Variants in GALNTL6 observed in about 807,000 individuals in gnomAD.
The protein encoded by GALNTL6 is polypeptide N-acetylgalactosaminyltransferase-like 6.
In GALNTL6, 46 loss-of-function variants were observed where a neutral mutation model predicts 73.7. The ratio of observed to expected loss-of-function variants is 0.62; its 90% CI spans 0.49 to 0.80. The LOEUF is 0.80. Ranked by LOEUF, GALNTL6 falls within the 30% of genes least tolerant of loss-of-function variation. The pLI is 0.00. For missense variants in GALNTL6, 604 were observed against 755.0 expected (o/e 0.80, Z 2.34); for synonymous variants, 259 against 263.7 (o/e 0.98, Z 0.17).
chr4:172,278,355 C>G (rs1367790240), intron 3 of GALNTL6, among the ~76,000 whole-genome samples: 1 of 152,164 alleles, frequency 6.6e-6, no homozygotes, highest in South Asian at 2.1e-4. Context: ...TTCACATATT[C>G]ATTCCAATAA....
chr4:172,943,122 G>A (rs1349744766), intron 9 of GALNTL6, among the ~76,000 whole-genome samples: 1 of 149,542 alleles, frequency 6.7e-6, no homozygotes. Context: ...ACTTCCAAGG[G>A]TAGGGCATAA....
At chr4:172,016,278 A>T (rs1741191034) in intron 2 of GALNTL6, among the ~76,000 whole-genome samples, 1 of 151,590 alleles carries the variant, frequency 6.6e-6, no homozygotes, top group Admixed American at 6.6e-5. Context: ...TTTTCTCTTT[A>T]TCTTTGTTTG....
chr4:172,346,310 T>C (rs72986326), intron 4 of GALNTL6, among the ~76,000 whole-genome samples: 4,805 of 152,346 alleles, frequency 0.032, 244 homozygotes, highest in African/African-American at 0.11. Context: ...ATGGTCAAAA[T>C]TGAATTCATT....
chr4:172,688,365 T>C (rs1229561782), intron 5 of GALNTL6, among the ~76,000 whole-genome samples: 1 of 152,178 alleles, frequency 6.6e-6, no homozygotes, highest in African/African-American at 2.4e-5. Flanking sequence ...AATGTACCAA[T>C]TTATGGTAGT....
At chr4:171,917,999 G>T (rs1737676862) in intron 2 of GALNTL6, among the ~76,000 whole-genome samples, 1 of 152,006 alleles carries the variant, frequency 6.6e-6, no homozygotes, top group African/African-American at 2.4e-5. Flanking sequence ...ATTTTTTAAT[G>T]GTAGGGATAT....
At chr4:172,559,009 A>G (rs748959369) in intron 5 of GALNTL6, among the ~76,000 whole-genome samples, 6 of 151,378 alleles carry the variant, frequency 4.0e-5, no homozygotes, top group African/African-American at 1.2e-4. Flanking sequence ...AAAGATTTAC[A>G]TAAAATTTCC....
chr4:172,685,709 T>A (rs148697256), intron 5 of GALNTL6, among the ~76,000 whole-genome samples: 1,824 of 152,336 alleles, frequency 0.012, 20 homozygotes, highest in Middle Eastern at 0.031. Context: ...AATCCTCTTT[T>A]TGAGTCTTCA....
intron 8 of GALNTL6, among the ~76,000 whole-genome samples, chr4:172,892,653 T>G (rs1443693806): frequency 4.6e-5 from 7 of 151,998 alleles, no homozygotes; most frequent in Admixed American, 4.6e-4. Flanking sequence ...CACCTTTTTT[T>G]GTTGTTGTTA....
chr4:172,596,469 A>T (rs1737861689), intron 5 of GALNTL6, among the ~76,000 whole-genome samples: 1 of 151,650 alleles, frequency 6.6e-6, no homozygotes, highest in African/African-American at 2.4e-5. Flanking sequence ...AGAAAAAAAA[A>T]AAAGTGTGAC....
intron 2 of GALNTL6, among the ~76,000 whole-genome samples, chr4:171,962,553 G>A (rs1234710618): frequency 2.0e-5 from 3 of 152,082 alleles, no homozygotes; most frequent in African/African-American, 7.2e-5. Context: ...ACATTAGGAA[G>A]TTACCCTATA....
At chr4:172,668,388 A>C (rs1319488552) in intron 5 of GALNTL6, 3 of 152,216 alleles carry the variant, frequency 2.0e-5, no homozygotes, top group Non-Finnish European at 2.9e-5. Context: ...TTTTGAGAAC[A>C]CTGAGGAGAG....
intron 5 of GALNTL6, among the ~76,000 whole-genome samples, chr4:172,739,925 T>G (rs1430104041): frequency 2.0e-5 from 3 of 148,790 alleles, no homozygotes; most frequent in Non-Finnish European, 4.4e-5. Flanking sequence ...AGCAGAGCTG[T>G]TCAAGAAATG....
intron 2 of GALNTL6, among the ~76,000 whole-genome samples, chr4:171,844,378 C>T (rs1418283291): frequency 1.3e-5 from 2 of 152,038 alleles, no homozygotes; most frequent in African/African-American, 2.4e-5. Flanking sequence ...TTGTCACTTT[C>T]GTGTTCACTG....
chr4:172,528,952 C>CATATATATATATATATATAT lies in GALNTL6; in HGVS notation c.553+180275_553+180276insATATATATATATATATATAT, dbSNP rs765904258. On this transcript the variant is annotated intron_variant, in intron 5 of 12. Coordinates refer to ENST00000506823, the MANE Select transcript of GALNTL6 (RefSeq NM_001034845.3). ...TTCAGAGACTTTGTTTTCCCAAAGG[C>CATATATATATATATATATAT]ATATATATATATGTGTGTGTATATT... Among the ~76,000 whole-genome samples, 152 of 23,324 alleles carry CATATATATATATATATATAT rather than the reference C, an allele frequency of 6.5e-3. 18 individuals carry two copies. Among genetic ancestry groups the CATATATATATATATATATAT allele is most frequent in the Middle Eastern group, 0.042 (1 of 24 alleles). The allele number at this position is 23,324 out of a possible 152,430, so 15.3% of individuals were successfully genotyped here. A position where few individuals can be genotyped will look rare whatever the true frequency, so the allele number is the denominator to read the frequency against.
intron 2 of GALNTL6, among the ~76,000 whole-genome samples, chr4:172,155,527 TAAGAC>T (rs1036763338): frequency 7.2e-5 from 11 of 152,202 alleles, no homozygotes; most frequent in East Asian, 3.9e-4. Flanking sequence ...GAAAAGACCT[TAAGAC>T]AATACATAAT....
intron 2 of GALNTL6, among the ~76,000 whole-genome samples, chr4:171,882,076 CCTT>C (rs1220688952): frequency 6.6e-6 from 1 of 152,088 alleles, no homozygotes; most frequent in Non-Finnish European, 1.5e-5. Context: ...CTGTTCTTTT[CCTT>C]CTTCTTCCTT....
At chr4:171,884,186 A>G (rs2110916122) in intron 2 of GALNTL6, among the ~76,000 whole-genome samples, 2 of 152,284 alleles carry the variant, frequency 1.3e-5, no homozygotes, top group South Asian at 4.1e-4. Flanking sequence ...CTCCTGAATT[A>G]CCAAATCTTT....
chr4:171,967,440 C>G (rs1436332362), intron 2 of GALNTL6, among the ~76,000 whole-genome samples: 1 of 37,420 alleles, frequency 2.7e-5, no homozygotes, highest in Non-Finnish European at 6.2e-5. Context: ...TTTTCTTCCC[C>G]CTATGGGTTT....
intron 5 of GALNTL6, among the ~76,000 whole-genome samples, chr4:172,546,226 C>T (rs1004568772): frequency 3.3e-5 from 5 of 152,118 alleles, no homozygotes; most frequent in Admixed American, 6.6e-5. Context: ...AGTAAGTTCA[C>T]ATGCCATAAC....
Sources: gnomAD v4.1 joint callset for allele counts (sites outside exome capture counted in the v4.1 genomes callset) on GRCh38, gnomAD v4.1.1 for gene constraint, MANE v1.5 for transcripts, NCBI Gene and HGNC (gene_info 2026-07-23, HGNC 2026-07-21) for gene names.